Variants in DTX4 observed in about 807,000 individuals in gnomAD.
DTX4 encodes deltex E3 ubiquitin ligase 4.
DTX4 carries 28 observed loss-of-function variants against 57.6 expected under a neutral mutation model. The ratio of observed to expected loss-of-function variants is 0.49; its 90% CI spans 0.36 to 0.67. The LOEUF (loss-of-function observed/expected upper bound fraction) is 0.67. Ranked by LOEUF, DTX4 falls within the 30% of genes least tolerant of loss-of-function variation. The pLI is 0.00. For synonymous variants in DTX4, 316 were observed against 331.0 expected (o/e 0.95, Z 0.49); for missense variants, 715 against 836.8 (o/e 0.85, Z 1.80).
At chr11:59,187,167 C>G (rs1235068577) in intron 2 of DTX4, among the ~76,000 whole-genome samples, 1 of 152,222 alleles carries the variant, frequency 6.6e-6, no homozygotes, top group African/African-American at 2.4e-5. Flanking sequence ...CTCTGAGTTT[C>G]TGGTCTATGT....
In DTX4 at chr11:59,184,950, C is replaced by T. The variant is rs948734693; in HGVS notation, c.935+2488C>T. 2.6e-5 allele frequency among the ~76,000 whole-genome samples: 4 copies of T among 152,166 alleles called. No individual in the cohort carries two copies. In the East Asian group the frequency reaches 5.8e-4, roughly 22 times the overall value. On this transcript the variant is annotated intron_variant, in intron 2 of 8. Transcript: ENST00000227451. ...TATTCCCTTTGTCTGGCATTGCCAT[C>T]GACCTTCTGTCATTGCAGGGCCCCT...
At position 59,195,302 on chromosome 11, in the gene DTX4, A is replaced by T. The variant is rs911244168; in HGVS notation, c.1469A>T (p.His490Leu). ...AAGATGGAGTACCACCTCATCCCCC[A>T]CTCCTTGCCTGGCCACCCAGACTGC... ...PGKMEYHLIP[H>L]SLPGHPDCKT... The change falls in exon 7 of 9, where the codon CAC becomes CTC. Residue 490 changes from histidine to leucine, a missense_variant. Coordinates refer to ENST00000227451, the MANE Select transcript of DTX4 (RefSeq NM_015177.2). 5.0e-6 allele frequency: 8 copies of T among 1,613,240 alleles called. No homozygotes were observed. The highest frequency in any genetic ancestry group is 6.8e-6 in the Non-Finnish European group (8 of 1,179,728).
rs747696172 is a variant in DTX4 at position 59,191,158 on chromosome 11, C to T, written c.1204C>T (p.Arg402Trp). Residue 402 changes from arginine (R) to tryptophan (W), a missense_variant, in exon 5 of 9, where the codon CGG (arginine) becomes TGG (tryptophan). By Grantham distance (101) the Arg-to-Trp change is moderately radical. Coordinates refer to ENST00000227451, the MANE Select transcript of DTX4 (RefSeq NM_015177.2). Reference sequence around the variant, plus strand: ...GCTAAAAAAATATCTACAGAAAGTCCGGCACCCACCAGATGAGGTGAGTTC... The same window carrying T: ...GCTAAAAAAATATCTACAGAAAGTCTGGCACCCACCAGATGAGGTGAGTTC... ...EVLKKYLQKV[R>W]HPPDEDCTIC... is the part of the protein sequence containing the mutation. 49 of 1,572,128 alleles carry T rather than the reference C, an allele frequency of 3.1e-5. No homozygotes were observed. The highest frequency in any genetic ancestry group is 3.0e-4 in the Admixed American group (16 of 53,874).
At position 59,204,815 on chromosome 11, in the gene DTX4, A is replaced by C; in HGVS notation, c.1766A>C (p.His589Pro). The C allele has an allele frequency of 6.2e-7, 1 of 1,612,204 alleles. No homozygotes were observed. Among genetic ancestry groups the C allele is most frequent in the Non-Finnish European group, 8.5e-7 (1 of 1,179,084 alleles). ...KTEFGSNLTG[H>P]GYPDANYLDN... ...GAGTTTGGCTCTAATCTCACTGGCC[A>C]TGGCTACCCAGATGCCAATTACCTG... Residue 589 changes from histidine to proline, a missense_variant, in exon 9 of 9, where the codon CAT (histidine) becomes CCT (proline). By Grantham distance (77) the His-to-Pro change is moderately conservative. Transcript: ENST00000227451.
rs1182495877 is a variant in DTX4, at chr11:59,172,454, A to C, written c.-142A>C. ...GGCTGGGGAGGAGCCCATGGGCCGG[A>C]GCTGAGGCTGCCCGGGGCGGCGGGG... On this transcript the variant is annotated 5_prime_UTR_variant, in exon 1 of 9. Coordinates refer to ENST00000227451, the MANE Select transcript of DTX4 (RefSeq NM_015177.2). The C allele has an allele frequency of 3.6e-6, 1 of 274,736 alleles. No individual in the cohort carries two copies. Among genetic ancestry groups the C allele is most frequent in the Non-Finnish European group, 5.9e-6 (1 of 168,972 alleles). The allele number at this position is 274,736 out of a possible 1,614,324, so 17.0% of individuals were successfully genotyped here. A position where few individuals can be genotyped will look rare whatever the true frequency, so the allele number is the denominator to read the frequency against.
Position 59,204,991 on chromosome 11 carries a change from T to C in DTX4, c.*82T>C. 1 of 1,307,838 alleles carries C rather than the reference T, an allele frequency of 7.6e-7. No homozygotes were observed. The highest frequency in any genetic ancestry group is 1.1e-6 in the Non-Finnish European group (1 of 940,564). The allele number at this position is 1,307,838 out of a possible 1,614,324, so 81.0% of individuals were successfully genotyped here. On this transcript the variant is annotated 3_prime_UTR_variant, in exon 9 of 9. Coordinates refer to ENST00000227451, the MANE Select transcript of DTX4 (RefSeq NM_015177.2). ...GAGAGTGAGTCAATGTAGAAGAAGT[T>C]GGTGTCCTGCCCTCCCAACTTTCTA...
At chr11:59,189,107 G>A in intron 3 of DTX4, 55 bp from the exon 4 acceptor site, 4 of 1,597,314 alleles carry the variant, frequency 2.5e-6, no homozygotes, top group Non-Finnish European at 3.4e-6. Context: ...GGAATTTGGG[G>A]AATGTTGAGA....
At chr11:59,189,472 G>C (rs1862570078) in intron 4 of DTX4, 149 bp downstream of exon 4, 5 of 724,064 alleles carry the variant, frequency 6.9e-6, no homozygotes, top group Middle Eastern at 3.8e-4. Context: ...AGTAAATCTT[G>C]ACGATTATAC....
At chr11:59,190,900 TG>T (rs546933591) in intron 4 of DTX4, among the ~76,000 whole-genome samples, 204 of 152,364 alleles carry the variant, frequency 1.3e-3, no homozygotes, top group Admixed American at 3.7e-3. Context: ...GAAAAGGGAC[TG>T]CAAGAAATAA....
chr11:59,178,100 A>G (rs1862417648), intron 1 of DTX4, among the ~76,000 whole-genome samples: 1 of 152,332 alleles, frequency 6.6e-6, no homozygotes, highest in African/African-American at 2.4e-5. Flanking sequence ...TCCTTGAAGA[A>G]ATAAGCTCTT....
intron 1 of DTX4, among the ~76,000 whole-genome samples, chr11:59,178,183 A>G (rs983455039): frequency 2.0e-5 from 3 of 152,172 alleles, no homozygotes; most frequent in African/African-American, 7.2e-5. Flanking sequence ...GCCCAGAATC[A>G]GAGAAGCCTG....
intron 7 of DTX4, 130 bp downstream of exon 7, chr11:59,195,499 G>A (rs190721108): frequency 5.8e-5 from 60 of 1,038,772 alleles, no homozygotes; most frequent in Admixed American, 9.4e-5. Context: ...AGCCTTGCCC[G>A]CTGACACTAC....
At chr11:59,192,666 A>G (rs1046587678) in intron 6 of DTX4, among the ~76,000 whole-genome samples, 2 of 152,114 alleles carry the variant, frequency 1.3e-5, no homozygotes, top group African/African-American at 4.8e-5. Flanking sequence ...GGGTTTCCCA[A>G]TCACCCTTTC....
chr11:59,173,078 G>A (rs2135508705), intron 1 of DTX4, among the ~76,000 whole-genome samples: 1 of 152,230 alleles, frequency 6.6e-6, no homozygotes, highest in East Asian at 1.9e-4. Flanking sequence ...CCCCTTTCAT[G>A]CCCCCGCTTT....
intron 8 of DTX4, among the ~76,000 whole-genome samples, chr11:59,203,909 T>G (rs369924999): frequency 5.3e-5 from 8 of 152,224 alleles, no homozygotes; most frequent in African/African-American, 1.9e-4. Context: ...AATACTATTA[T>G]GGTTTCCTCT....
rs760091915 is a variant in DTX4 at position 59,189,224 on chromosome 11, C to T, written c.1060C>T (p.Leu354=). ...LPVCLTRPPK[L]VLHPPPVSKS... Reference sequence around the variant, plus strand: ...TGTGTGTCTCACCAGGCCACCAAAGCTGGTCCTACACCCACCCCCCGTCAG... The same window carrying T: ...TGTGTGTCTCACCAGGCCACCAAAGTTGGTCCTACACCCACCCCCCGTCAG... Residue 354 remains leucine (L), a synonymous_variant, in exon 4 of 9, where the codon CTG becomes TTG. Coordinates refer to ENST00000227451, the MANE Select transcript of DTX4 (RefSeq NM_015177.2). The T allele has an allele frequency of 4.3e-6, 7 of 1,613,566 alleles. No individual in the cohort carries two copies. The highest frequency in any genetic ancestry group is 3.4e-6 in the Non-Finnish European group (4 of 1,179,756).
rs3837398 is a variant in DTX4, at chr11:59,206,509, G to GTA, written c.*1620_*1621dup. 4,813 of 142,118 alleles carry GTA rather than the reference G, an allele frequency of 0.034. 142 individuals carry two copies. Among genetic ancestry groups the GTA allele is most frequent in the African/African-American group, 0.064 (2,416 of 37,956 alleles). 8.8% of individuals were successfully genotyped at this position (142,118 alleles called of 1,614,324 possible). On this transcript the variant is annotated 3_prime_UTR_variant, in exon 9 of 9. Coordinates refer to ENST00000227451, the MANE Select transcript of DTX4 (RefSeq NM_015177.2). ...ATACCTCATGTTTTGGGGGTTTGACGTATATATATATATATATATATGCAT... is the reference window on the plus strand; with the variant it reads ...ATACCTCATGTTTTGGGGGTTTGACGTATATATATATATATATATATATGCAT...
In DTX4 at chr11:59,199,696, C is replaced by G. The variant is rs1862717252; in HGVS notation, c.1549C>G (p.Pro517Ala). The G allele has an allele frequency of 1.3e-6, 2 of 1,575,806 alleles. No individual in the cohort carries two copies. The highest frequency in any genetic ancestry group is 1.8e-5 in the Admixed American group (1 of 54,906). ...TTTCTGCTTTCAGGGACCGGAACAC[C>G]CGAATCCTGGGAAGAGTTTCAGCGC... is the stretch of plus-strand genomic sequence containing the variant. ...IPPGIQGPEH[P>A]NPGKSFSARG... Residue 517 changes from proline (P) to alanine (A), a missense_variant, in exon 8 of 9, where the codon CCG becomes GCG. By Grantham distance (27) the Pro-to-Ala change is conservative (BLOSUM62 -1). Coordinates refer to ENST00000227451, the MANE Select transcript of DTX4 (RefSeq NM_015177.2).
At chr11:59,200,675 A>T (rs117796361) in intron 8 of DTX4, among the ~76,000 whole-genome samples, 3,818 of 152,330 alleles carry the variant, frequency 0.025, 85 homozygotes, top group Middle Eastern at 0.048. Context: ...ATTCCTAGTG[A>T]TTCATGATTA....
Sources: gnomAD v4.1 joint callset for allele counts (sites outside exome capture counted in the v4.1 genomes callset) on GRCh38, gnomAD v4.1.1 for gene constraint, MANE v1.5 for transcripts, NCBI Gene and HGNC (gene_info 2026-07-23, HGNC 2026-07-21) for gene names.